Variants in CACNA1C observed in about 807,000 individuals in gnomAD.
CACNA1C encodes the protein calcium voltage-gated channel subunit alpha1 C.
CACNA1C carries 30 observed loss-of-function variants against 229.0 expected under a neutral mutation model. The observed-to-expected ratio is 0.13, with a 90% CI of 0.10 to 0.18. CACNA1C has a LOEUF of 0.18. Among genes scored for constraint, CACNA1C ranks in the 10% least tolerant of loss-of-function variants. The pLI, the probability that CACNA1C is intolerant of heterozygous loss-of-function variation, is 1.00. For missense variants in CACNA1C, 1,658 were observed against 2,845.0 expected, an observed-to-expected ratio of 0.58 and a Z score of 9.49; for synonymous variants, 1,114 against 1,132.5, an observed-to-expected ratio of 0.98 and a Z score of 0.33.
intron 5 of CACNA1C, among the ~76,000 whole-genome samples, chr12:2,462,757 C>G (rs1057463747): frequency 6.6e-6 from 1 of 152,098 alleles, no homozygotes; most frequent in Non-Finnish European, 1.5e-5. Context: ...CTTCTTCTGT[C>G]TCATTTGATC....
intron 3 of CACNA1C, among the ~76,000 whole-genome samples, chr12:2,443,651 A>G (rs890825557): frequency 6.6e-6 from 1 of 152,230 alleles, no homozygotes; most frequent in Non-Finnish European, 1.5e-5. Flanking sequence ...CCCAGGATTT[A>G]GGAGGGCACA....
At chr12:2,016,210 A>C (rs954845907) in intron 1 of CACNA1C, among the ~76,000 whole-genome samples, 16 of 152,156 alleles carry the variant, frequency 1.1e-4, no homozygotes, top group African/African-American at 3.6e-4. Context: ...TGATTTGACA[A>C]ACATTTCCTG....
intron 3 of CACNA1C, among the ~76,000 whole-genome samples, chr12:2,311,449 T>G (rs934965568): frequency 9.9e-5 from 15 of 152,200 alleles, no homozygotes; most frequent in Non-Finnish European, 2.1e-4. Flanking sequence ...GCAGGGACCC[T>G]TGATTTTCAC....
At chr12:2,561,180 A>G (rs1365016279) in intron 11 of CACNA1C, among the ~76,000 whole-genome samples, 1 of 152,222 alleles carries the variant, frequency 6.6e-6, no homozygotes, top group Non-Finnish European at 1.5e-5. Context: ...GTAAGACACA[A>G]CCCGATTCCT....
At chr12:2,225,277 G>A (rs1479574161) in intron 3 of CACNA1C, among the ~76,000 whole-genome samples, 1 of 152,150 alleles carries the variant, frequency 6.6e-6, no homozygotes, top group Admixed American at 6.5e-5. Context: ...TCCCTGCCTT[G>A]TCTGCTAGGT....
intron 3 of CACNA1C, among the ~76,000 whole-genome samples, chr12:2,367,465 C>T (rs192901509): frequency 1.3e-5 from 2 of 152,192 alleles, no homozygotes; most frequent in East Asian, 1.9e-4. Flanking sequence ...TAGGGTTGAA[C>T]GTTTAACTAT....
At chr12:2,274,099 G>T (rs887701058) in intron 3 of CACNA1C, among the ~76,000 whole-genome samples, 1 of 152,218 alleles carries the variant, frequency 6.6e-6, no homozygotes, top group African/African-American at 2.4e-5. Context: ...TTGGGTGCTT[G>T]ATAATGATCT....
intron 3 of CACNA1C, among the ~76,000 whole-genome samples, chr12:2,389,843 C>T (rs1169212208): frequency 6.6e-6 from 1 of 152,182 alleles, no homozygotes; most frequent in South Asian, 2.1e-4. Flanking sequence ...TCCCTCCTTT[C>T]ACTCCCTCTG....
rs963111949 is a variant in CACNA1C at position 2,606,915 on chromosome 12, GT to G, written c.3210-68del. Reference sequence around the variant, plus strand: ...AGTCCCATCCCACCCAGCATTCAAGGTCACTGGCAGGCCAGGCGTGAAGGAA... The same window carrying G: ...AGTCCCATCCCACCCAGCATTCAAGGCACTGGCAGGCCAGGCGTGAAGGAA... On this transcript the variant is annotated intron_variant, in intron 25 of 46. Coordinates refer to ENST00000399655, the MANE Select transcript of CACNA1C (RefSeq NM_000719.7). 9.0e-6 allele frequency: 14 copies of G among 1,560,384 alleles called. No individual in the cohort carries two copies. In the East Asian group the frequency reaches 1.4e-4, roughly 15 times the overall value.
At chr12:2,451,653 C>CG (rs2099373367) in intron 4 of CACNA1C, among the ~76,000 whole-genome samples, 1 of 152,160 alleles carries the variant, frequency 6.6e-6, no homozygotes, top group Non-Finnish European at 1.5e-5. Flanking sequence ...CACCTGGTGC[C>CG]TCACCTGCGG....
intron 1 of CACNA1C, among the ~76,000 whole-genome samples, chr12:2,015,069 G>A (rs138622769): frequency 2.0e-5 from 3 of 152,230 alleles, no homozygotes; most frequent in African/African-American, 7.2e-5. Flanking sequence ...AAAACAGACT[G>A]GATCTTCTGC....
chr12:2,114,373 A>C (rs994579443), intron 1 of CACNA1C, among the ~76,000 whole-genome samples: 3 of 152,018 alleles, frequency 2.0e-5, no homozygotes, highest in African/African-American at 7.2e-5. Flanking sequence ...GGGGGATGCA[A>C]CGTGGCTTTT....
At chr12:1,973,426 T>C (rs188243064) in intron 1 of CACNA1C, among the ~76,000 whole-genome samples, 268 of 152,346 alleles carry the variant, frequency 1.8e-3, no homozygotes, top group Non-Finnish European at 2.5e-3. Flanking sequence ...CTCTCTGAAT[T>C]AAAGCATTAT....
chr12:2,186,438 G>T (rs1471949723), intron 3 of CACNA1C, among the ~76,000 whole-genome samples: 1 of 152,216 alleles, frequency 6.6e-6, no homozygotes, highest in African/African-American at 2.4e-5. Context: ...CGCTGAGGGG[G>T]TAAGGGTTCC....
At chr12:2,115,081 T>G in intron 1 of CACNA1C, 143 bp from the exon 2 acceptor site, 1 of 657,642 alleles carries the variant, frequency 1.5e-6, no homozygotes, top group Non-Finnish European at 2.6e-6. Flanking sequence ...CTCACACTCA[T>G]GTTTCCACGT....
In CACNA1C at chr12:2,066,632, T is replaced by C. The variant is rs2059361532; in HGVS notation, c.49+13021T>C. Among the ~76,000 whole-genome samples the C allele has an allele frequency of 3.3e-5, 5 of 152,048 alleles. No homozygotes were observed. The South Asian group carries it at 8.3e-4, about 25-fold the overall frequency. ...GGGGCAGCACATGGGGACCACTCTT[T>C]CAAGAATTTTGGCTGTGAATAAAAG... is the stretch of plus-strand genomic sequence containing the variant. On this transcript the variant is annotated intron_variant, in intron 1 of 46. Transcript: ENST00000399655.
At position 2,034,906 on chromosome 12, in the gene CACNA1C, C is replaced by G. The variant is rs1339749456; in HGVS notation, c.139+63705C>G. ...TACAGGATGCTATGGGACACCGAAT[C>G]CAACTTTGCGGGACAGGGGAAGAAG... is the stretch of plus-strand genomic sequence containing the variant. On this transcript the variant is annotated intron_variant, in intron 1 of 46. Transcript: ENST00000682462. This position sits in a 1 kb window ranked among gnomAD's most constrained non-coding sequence, Gnocchi z 4.1. Among the ~76,000 whole-genome samples the G allele has an allele frequency of 2.0e-5, 3 of 152,318 alleles. No homozygotes were observed. Among genetic ancestry groups the G allele is most frequent in the Middle Eastern group, 3.4e-3 (1 of 294 alleles).
In CACNA1C at chr12:2,504,599, C is replaced by T; in HGVS notation, c.1114-243C>T. 2.0e-6 allele frequency: 2 copies of T among 1,019,752 alleles called. No homozygotes were observed. Among genetic ancestry groups the T allele is most frequent in the Non-Finnish European group, 3.1e-6 (2 of 639,252 alleles). The allele number at this position is 1,019,752 out of a possible 1,614,324, so 63.2% of individuals were successfully genotyped here. A position where few individuals can be genotyped will look rare whatever the true frequency, so the allele number is the denominator to read the frequency against. The stretch of plus-strand genomic sequence containing the variant: ...CAGCCGAGCAAGGTCTCAGGTTCCA[C>T]TCCGTACATGCCCGGGGTCCTCAGG... On this transcript the variant is annotated intron_variant, in intron 7 of 46. Coordinates refer to ENST00000399655, the MANE Select transcript of CACNA1C (RefSeq NM_000719.7). The surrounding 1 kb of genome is among the most constrained non-coding windows in gnomAD (Gnocchi z 6.8).
intron 3 of CACNA1C, among the ~76,000 whole-genome samples, chr12:2,369,445 C>A (rs994242993): frequency 1.3e-5 from 2 of 150,978 alleles, no homozygotes; most frequent in African/African-American, 4.9e-5. Context: ...GTTGCCCAGG[C>A]TGGAGTGCAG....
Sources: allele counts gnomAD v4.1 joint callset (sites outside exome capture counted in the v4.1 genomes callset), GRCh38; gene constraint gnomAD v4.1.1; non-coding constraint Gnocchi (gnomAD v3.1); transcripts MANE v1.5; gene names NCBI Gene and HGNC (gene_info 2026-07-23, HGNC 2026-07-21).